Variants in COL19A1 observed in about 807,000 individuals in gnomAD.
The protein encoded by COL19A1 is collagen type XIX alpha 1 chain.
Under a neutral mutation model 190.2 loss-of-function variants are expected in COL19A1, and 159 were observed. The observed-to-expected ratio is 0.84, with a 90% CI of 0.73 to 0.95. The LOEUF (loss-of-function observed/expected upper bound fraction) is 0.95, where lower values mean the gene tolerates loss of function less well. Ranked by LOEUF, COL19A1 falls within the 40% of genes least tolerant of loss-of-function variation. COL19A1 has a pLI of 0.00. For missense variants in COL19A1, 1,418 were observed against 1,431.9 expected (o/e 0.99, Z 0.16); for synonymous variants, 509 against 458.9 (o/e 1.11, Z -1.39).
rs1291024219 is a variant in COL19A1, at chr6:70,211,868, G to A, written c.*4594G>A. The stretch of plus-strand genomic sequence containing the variant: ...CAGCAAAAATTTGTCTGAAAGATAA[G>A]ACAAGCTTATAAGACCAAAGCTAAG... On this transcript the variant is annotated 3_prime_UTR_variant, in exon 51 of 51. Transcript: ENST00000620364. Among the ~76,000 whole-genome samples the A allele has an allele frequency of 6.6e-6, 1 of 151,994 alleles. No homozygotes were observed. Among genetic ancestry groups the A allele is most frequent in the Admixed American group, 6.6e-5 (1 of 15,260 alleles).
At chr6:70,163,283 C>G (rs1787922674) in intron 35 of COL19A1, 60 bp from the exon 36 acceptor site, 1 of 1,497,918 alleles carries the variant, frequency 6.7e-7, no homozygotes, top group South Asian at 1.2e-5. Context: ...AACCAACTTC[C>G]AATACCCTTT....
At chr6:70,167,970 G>A in intron 37 of COL19A1, 55 bp from the exon 38 acceptor site, 1 of 1,264,200 alleles carries the variant, frequency 7.9e-7, no homozygotes, top group Non-Finnish European at 1.1e-6. Flanking sequence ...ATAAAATGTA[G>A]AGATGCAAAG....
intron 49 of COL19A1, among the ~76,000 whole-genome samples, chr6:70,204,434 T>C (rs1030557888): frequency 3.3e-5 from 5 of 152,214 alleles, no homozygotes; most frequent in African/African-American, 1.2e-4. Context: ...ACTTGTGCAA[T>C]TCAGTCGCTT....
At chr6:69,939,882 A>C (rs1252398661) in intron 9 of COL19A1, among the ~76,000 whole-genome samples, 1 of 152,138 alleles carries the variant, frequency 6.6e-6, no homozygotes, top group Non-Finnish European at 1.5e-5. Context: ...CCTATACTAT[A>C]AAGTGACACC....
intron 16 of COL19A1, among the ~76,000 whole-genome samples, chr6:70,115,855 G>A (rs1183380466): frequency 7.2e-6 from 1 of 139,242 alleles, no homozygotes; most frequent in African/African-American, 2.7e-5. Flanking sequence ...TGGGGAGAAG[G>A]TGTTGGTATC....
At chr6:70,146,190 A>T (rs1786634363) in intron 25 of COL19A1, among the ~76,000 whole-genome samples, 1 of 152,126 alleles carries the variant, frequency 6.6e-6, no homozygotes, top group Admixed American at 6.5e-5. Context: ...TTTAAAACAT[A>T]AACGTTCCTA....
intron 15 of COL19A1, among the ~76,000 whole-genome samples, chr6:70,072,822 T>C (rs548556040): frequency 6.6e-6 from 1 of 152,172 alleles, no homozygotes; most frequent in East Asian, 1.9e-4. Context: ...CTGGGTCACA[T>C]TTCCTCCATG....
At chr6:70,154,981 T>C (rs1191218193) in intron 31 of COL19A1, among the ~76,000 whole-genome samples, 1 of 152,116 alleles carries the variant, frequency 6.6e-6, no homozygotes, top group Admixed American at 6.6e-5. Context: ...AACTCAAATG[T>C]TAATCTCCTT....
chr6:69,919,882 A>T (rs1771579430), intron 4 of COL19A1, among the ~76,000 whole-genome samples: 1 of 152,152 alleles, frequency 6.6e-6, no homozygotes, highest in Non-Finnish European at 1.5e-5. Context: ...GACTTTTGCA[A>T]CTTAATTTTT....
At chr6:70,073,258 G>T (rs1047696682) in intron 15 of COL19A1, among the ~76,000 whole-genome samples, 1 of 152,122 alleles carries the variant, frequency 6.6e-6, no homozygotes, top group Admixed American at 6.6e-5. Context: ...AAAGTTCTGG[G>T]ATTACAGGCC....
chr6:70,161,708 C>G (rs570155532), intron 34 of COL19A1, among the ~76,000 whole-genome samples, 192 bp from the exon 35 acceptor site: 1 of 151,754 alleles, frequency 6.6e-6, no homozygotes, highest in Non-Finnish European at 1.5e-5. Flanking sequence ...ATCACTTGCA[C>G]CCCTAAAGAA....
Position 70,207,180 on chromosome 6 carries a change from G to GGC in COL19A1, c.3335_3336insGC (p.Gln1114HisfsTer34). The GGC allele has an allele frequency of 6.2e-7, 1 of 1,613,338 alleles. No homozygotes were observed. Among genetic ancestry groups the GGC allele is most frequent in the Non-Finnish European group, 8.5e-7 (1 of 1,179,518 alleles). On this transcript the variant is annotated frameshift_variant, in exon 51 of 51. Transcript: ENST00000620364. LOFTEE classifies it high-confidence loss of function. ...TTGCCAGGCTCACCAGGTGCCCCAGGCCCACAGGGCCCCCCAGGACCCAGT... is the reference window on the plus strand; with the variant it reads ...TTGCCAGGCTCACCAGGTGCCCCAGGGCCCCACAGGGCCCCCCAGGACCCAGT...
At chr6:70,004,027 A>T (rs560576245) in intron 11 of COL19A1, among the ~76,000 whole-genome samples, 1 of 152,096 alleles carries the variant, frequency 6.6e-6, no homozygotes, top group Non-Finnish European at 1.5e-5. Context: ...TCTTTTCCAT[A>T]TTCAATGCTT....
At chr6:70,172,070 A>G (rs1765532097) in intron 41 of COL19A1, 53 bp downstream of exon 41, 1 of 1,558,312 alleles carries the variant, frequency 6.4e-7, no homozygotes, top group South Asian at 1.2e-5. Context: ...AAAATTGTTT[A>G]CTGAGCACCT....
At chr6:69,975,440 G>A (rs1239890395) in intron 11 of COL19A1, among the ~76,000 whole-genome samples, 4 of 152,170 alleles carry the variant, frequency 2.6e-5, no homozygotes, top group Admixed American at 2.6e-4. Context: ...CTATTTCAAT[G>A]TCTTCACCTG....
chr6:70,053,759 G>T (rs1046711420), intron 14 of COL19A1, among the ~76,000 whole-genome samples: 10 of 150,876 alleles, frequency 6.6e-5, no homozygotes, highest in African/African-American at 2.5e-4. Context: ...TATAAAAATT[G>T]CCAGCATATA....
intron 31 of COL19A1, among the ~76,000 whole-genome samples, chr6:70,151,968 A>G (rs1009928001): frequency 6.6e-6 from 1 of 152,092 alleles, no homozygotes; most frequent in Non-Finnish European, 1.5e-5. Context: ...ACTCTGTTCA[A>G]TAAAAATCAC....
At chr6:69,907,134 G>T in intron 4 of COL19A1, among the ~76,000 whole-genome samples, 1 of 135,066 alleles carries the variant, frequency 7.4e-6, no homozygotes, top group Non-Finnish European at 1.6e-5. Flanking sequence ...TTTTTGAGAC[G>T]GAGTCTCCAA....
At chr6:69,896,319 T>C (rs906053031) in intron 2 of COL19A1, among the ~76,000 whole-genome samples, 2 of 151,314 alleles carry the variant, frequency 1.3e-5, no homozygotes, top group African/African-American at 4.9e-5. Context: ...GGGTGGATCA[T>C]GAGGTCAGGA....
Sources: allele counts gnomAD v4.1 joint callset (sites outside exome capture counted in the v4.1 genomes callset), GRCh38; gene constraint gnomAD v4.1.1; transcripts MANE v1.5; gene names NCBI Gene and HGNC (gene_info 2026-07-23, HGNC 2026-07-21).